Variants in BAZ2B observed in about 807,000 individuals in gnomAD.
The protein encoded by BAZ2B is bromodomain adjacent to zinc finger domain protein 2B.
BAZ2B carries 91 observed loss-of-function variants against 246.0 expected under a neutral mutation model. That is an observed-to-expected ratio of 0.37 (90% CI 0.31 to 0.44). The LOEUF (loss-of-function observed/expected upper bound fraction) is 0.44, where lower values mean the gene tolerates loss of function less well. Among genes scored for constraint, BAZ2B ranks in the 20% least tolerant of loss-of-function variants. The pLI is 1.00. For missense variants in BAZ2B, 2,332 were observed against 2,533.7 expected (o/e 0.92, Z 1.71); for synonymous variants, 855 against 860.0 (o/e 0.99, Z 0.10).
chr2:159,400,558 T>G, intron 17 of BAZ2B, 41 bp downstream of exon 17: 1 of 1,238,762 alleles, frequency 8.1e-7, no homozygotes, highest in African/African-American at 1.6e-5. Flanking sequence ...TAAAAATATA[T>G]GGCTAAATTA....
intron 2 of BAZ2B, among the ~76,000 whole-genome samples, chr2:159,500,870 C>T (rs907591286): frequency 1.3e-5 from 2 of 151,120 alleles, no homozygotes; most frequent in South Asian, 2.1e-4. Flanking sequence ...AGGAGAATTG[C>T]TTGAACCCAG....
At chr2:159,603,200 T>G (rs77374554) in intron 1 of BAZ2B, among the ~76,000 whole-genome samples, 9,138 of 152,242 alleles carry the variant, frequency 0.06, 323 homozygotes, top group East Asian at 0.14. Flanking sequence ...ATGCAGTCTT[T>G]TAAAATACTT....
chr2:159,537,836 C>T (rs546226861), intron 2 of BAZ2B, among the ~76,000 whole-genome samples: 9 of 152,116 alleles, frequency 5.9e-5, no homozygotes, highest in Non-Finnish European at 1.2e-4. Context: ...ATTAATGGGG[C>T]TTCAACAGTT....
chr2:159,643,139 C>T, the BAZ2B span, among the ~76,000 whole-genome samples: 2 of 151,994 alleles, frequency 1.3e-5, no homozygotes, highest in Non-Finnish European at 1.5e-5. Context: ...TACTTGTTTG[C>T]TTCACTTTCA....
At chr2:159,635,798 T>C in the BAZ2B span, among the ~76,000 whole-genome samples, 1 of 152,184 alleles carries the variant, frequency 6.6e-6, no homozygotes, top group Non-Finnish European at 1.5e-5. Flanking sequence ...ATTGTTTAGA[T>C]AATAATGGTC....
intron 19 of BAZ2B, 92 bp downstream of exon 19, chr2:159,397,253 A>G (rs2064164368): frequency 7.8e-6 from 10 of 1,275,080 alleles, no homozygotes; most frequent in Non-Finnish European, 8.7e-6. Flanking sequence ...CAGAAATTTT[A>G]AAGAAAATAT....
At chr2:159,358,616 T>C (rs185558927) in intron 27 of BAZ2B, among the ~76,000 whole-genome samples, 1 of 152,302 alleles carries the variant, frequency 6.6e-6, no homozygotes, top group Non-Finnish European at 1.5e-5. Flanking sequence ...GAGGACCTAA[T>C]AGACATCTAC....
intron 31 of BAZ2B, among the ~76,000 whole-genome samples, chr2:159,339,345 G>A (rs1392818723): frequency 6.6e-6 from 1 of 152,106 alleles, no homozygotes; most frequent in Admixed American, 6.6e-5. Context: ...AAAACTCTGA[G>A]CAGATGGTAA....
At chr2:159,333,325 C>G (rs1446365248) in intron 33 of BAZ2B, among the ~76,000 whole-genome samples, 1 of 151,910 alleles carries the variant, frequency 6.6e-6, no homozygotes, top group Non-Finnish European at 1.5e-5. Context: ...AAAAAAGATA[C>G]AATACATGTA....
At chr2:159,590,205 A>G (rs77206544) in intron 1 of BAZ2B, among the ~76,000 whole-genome samples, 1 of 90,818 alleles carries the variant, frequency 1.1e-5, no homozygotes, top group South Asian at 3.7e-4. Flanking sequence ...AAAAAAAAAA[A>G]AAAAAAAAAA....
Position 159,428,248 on chromosome 2 carries a change from T to A in BAZ2B, c.2364+63A>T. The A allele has an allele frequency of 6.4e-6, 9 of 1,405,796 alleles. No individual in the cohort carries two copies. In the South Asian group the frequency reaches 8.6e-5, roughly 13 times the overall value. The allele number at this position is 1,405,796 out of a possible 1,614,324, so 87.1% of individuals were successfully genotyped here. ...TTTATCTGAGAAAGGAGTACACTTT[T>A]TTTTTGTACATGATCATGCTTAATA... On this transcript the variant is annotated intron_variant, in intron 12 of 36. Coordinates refer to ENST00000392783, the MANE Select transcript of BAZ2B (RefSeq NM_013450.4).
the BAZ2B span, among the ~76,000 whole-genome samples, chr2:159,671,086 T>C: frequency 6.6e-6 from 1 of 152,230 alleles, no homozygotes; most frequent in African/African-American, 2.4e-5. Flanking sequence ...TAAGTGTGTC[T>C]AGGCCTGCTT....
intron 2 of BAZ2B, among the ~76,000 whole-genome samples, chr2:159,545,543 C>T (rs944003366): frequency 1.4e-5 from 2 of 146,652 alleles, no homozygotes; most frequent in African/African-American, 5.1e-5. Flanking sequence ...CTATACATTC[C>T]AGTTACACAC....
chr2:159,440,518 T>A (rs1175917430), intron 6 of BAZ2B, among the ~76,000 whole-genome samples: 1 of 93,230 alleles, frequency 1.1e-5, no homozygotes, highest in Non-Finnish European at 2.2e-5. Flanking sequence ...ATGACTCTTG[T>A]TTTTTTTTTT....
At chr2:159,477,932 C>T (rs897367585) in intron 3 of BAZ2B, among the ~76,000 whole-genome samples, 12 of 152,186 alleles carry the variant, frequency 7.9e-5, no homozygotes, top group Non-Finnish European at 2.9e-5. Flanking sequence ...AAGCGATTCT[C>T]CTGCCTTAGC....
intron 1 of BAZ2B, among the ~76,000 whole-genome samples, chr2:159,573,312 C>T (rs1014390844): frequency 1.3e-5 from 2 of 152,198 alleles, no homozygotes; most frequent in East Asian, 1.9e-4. Flanking sequence ...AATGCTAGAC[C>T]TTTAGATCAA....
At chr2:159,605,096 T>C (rs773515674) in intron 1 of BAZ2B, among the ~76,000 whole-genome samples, 3 of 152,124 alleles carry the variant, frequency 2.0e-5, no homozygotes, top group Non-Finnish European at 2.9e-5. Context: ...AGTGCAATAA[T>C]AGCTCATTGC....
At chr2:159,369,635 A>G (rs1009422003) in intron 27 of BAZ2B, among the ~76,000 whole-genome samples, 1 of 152,214 alleles carries the variant, frequency 6.6e-6, no homozygotes, top group Non-Finnish European at 1.5e-5. Context: ...CAAGTGACTA[A>G]GAAGAATGTG....
Position 159,349,264 on chromosome 2 carries a change from G to C in BAZ2B, c.4880C>G (p.Ser1627Cys), listed in dbSNP as rs1451898055. 6.2e-7 allele frequency: 1 copy of C among 1,606,450 alleles called. No individual in the cohort carries two copies. The highest frequency in any genetic ancestry group is 8.5e-7 in the Non-Finnish European group (1 of 1,174,820). Residue 1627 changes from serine (S) to cysteine (C), a missense_variant, in exon 29 of 37, where the codon TCT becomes TGT. Physicochemically the swap from Ser to Cys is moderately radical, Grantham distance 112 (BLOSUM62 -1). This residue lies in a region of BAZ2B where 676 missense variants were observed against 668.6 expected (regional missense o/e 1.01). Transcript: ENST00000392783. ...TCCACAAAACTGAAGTCCCATCATA[G>C]ATACTCCACCTTTCACCTGCAAAAA... The part of the protein sequence containing the change: ...LSPLQVKGGV[S>C]MMGLQFCGWP...
Sources: allele counts gnomAD v4.1 joint callset (sites outside exome capture counted in the v4.1 genomes callset), GRCh38; gene constraint gnomAD v4.1.1; regional missense constraint gnomAD v4.1.1; transcripts MANE v1.5; gene names NCBI Gene and HGNC (gene_info 2026-07-23, HGNC 2026-07-21).